UGGT2: variants seen among roughly 807,000 people sequenced by gnomAD.
UGGT2 encodes UDP-glucose:glycoprotein glucosyltransferase 2.
Under a neutral mutation model 192.1 loss-of-function variants are expected in UGGT2, and 180 were observed. The ratio of observed to expected loss-of-function variants is 0.94; its 90% CI spans 0.83 to 1.06. The LOEUF is 1.06. UGGT2 is among the 50% of genes least tolerant of loss of function. The pLI, the probability that UGGT2 is intolerant of heterozygous loss-of-function variation, is 0.00. For missense variants in UGGT2, 1,849 were observed against 1,795.7 expected (o/e 1.03, Z -0.54); for synonymous variants, 580 against 591.0 (o/e 0.98, Z 0.27).
At chr13:96,036,118 G>C (rs997052255) in intron 1 of UGGT2, among the ~76,000 whole-genome samples, 2 of 152,174 alleles carry the variant, frequency 1.3e-5, no homozygotes, top group African/African-American at 4.8e-5. Context: ...GTCCACTGCA[G>C]CGCTATTTAC....
intron 10 of UGGT2, among the ~76,000 whole-genome samples, chr13:95,973,080 G>C (rs915266317): frequency 6.6e-6 from 1 of 152,170 alleles, no homozygotes; most frequent in African/African-American, 2.4e-5. Flanking sequence ...TGAGGCAGGA[G>C]AATCACTTGA....
rs1236942556 is a variant in UGGT2 at position 95,947,034 on chromosome 13, C to A, written c.1677+3G>T. 6.3e-7 allele frequency: 1 copy of A among 1,585,724 alleles called. No homozygotes were observed. Among genetic ancestry groups the A allele is most frequent in the East Asian group, 2.2e-5 (1 of 44,452 alleles). ...ACAAATCACATTTAGTGCATAAACT[C>A]ACGTGTACTATAGAAATAAATGCTT... On this transcript the variant is annotated splice_donor_region_variant and intron_variant, in intron 15 of 38. Transcript: ENST00000376747.
chr13:95,809,044 C>A (rs973150595), intron 38 of UGGT2, among the ~76,000 whole-genome samples: 1 of 152,134 alleles, frequency 6.6e-6, no homozygotes, highest in African/African-American at 2.4e-5. Context: ...TAACCTGACA[C>A]CTAAGATAGT....
At chr13:95,897,151 T>C (rs1352759188) in intron 22 of UGGT2, among the ~76,000 whole-genome samples, 1 of 152,108 alleles carries the variant, frequency 6.6e-6, no homozygotes, top group Non-Finnish European at 1.5e-5. Flanking sequence ...GTTCCTTCTA[T>C]GTGCTTTAAA....
chr13:95,879,582 T>C (rs1043527315), intron 27 of UGGT2, among the ~76,000 whole-genome samples: 6 of 152,244 alleles, frequency 3.9e-5, no homozygotes, highest in African/African-American at 1.4e-4. Context: ...ATTACAGGCA[T>C]AGGCCACCAC....
intron 9 of UGGT2, chr13:95,984,795 T>C (rs1327612459): frequency 6.6e-6 from 1 of 152,218 alleles, no homozygotes; most frequent in Non-Finnish European, 1.5e-5. Flanking sequence ...TAATGCAAAG[T>C]TCTGCTTTAA....
At chr13:95,905,674 G>C (rs1027813166) in intron 20 of UGGT2, among the ~76,000 whole-genome samples, 1 of 152,116 alleles carries the variant, frequency 6.6e-6, no homozygotes, top group Non-Finnish European at 1.5e-5. Context: ...TTTGGTACCA[G>C]TACCATGCTG....
intron 31 of UGGT2, 91 bp from the exon 32 acceptor site, chr13:95,860,974 T>G (rs888293937): frequency 1.6e-6 from 1 of 619,492 alleles, no homozygotes; most frequent in Non-Finnish European, 2.5e-6. Context: ...AATATAGAAA[T>G]GTATTTCAAA....
In UGGT2 at chr13:95,982,511, A is replaced by G. The variant is rs576450157; in HGVS notation, c.1092+1293T>C. The stretch of plus-strand genomic sequence containing the variant: ...GAGTGGTCAGCCTTCCCCATGCATT[A>G]TGTAAAACATCATACCTGCTCCAAC... On this transcript the variant is annotated intron_variant, in intron 10 of 38. Transcript: ENST00000376747. Among the ~76,000 whole-genome samples the G allele has an allele frequency of 1.1e-3, 168 of 152,292 alleles. 1 individual carries two copies. Among genetic ancestry groups the G allele is most frequent in the African/African-American group, 3.0e-3 (126 of 41,562 alleles).
chr13:95,924,606 G>A (rs1222054444), intron 20 of UGGT2, among the ~76,000 whole-genome samples: 1 of 151,908 alleles, frequency 6.6e-6, no homozygotes, highest in Non-Finnish European at 1.5e-5. Context: ...CTTTCATACT[G>A]AATAGAAGTT....
chr13:95,927,410 CAA>C (rs2049054935), intron 17 of UGGT2, 74 bp from the exon 18 acceptor site: 7 of 1,224,670 alleles, frequency 5.7e-6, no homozygotes, highest in Non-Finnish European at 7.8e-6. Flanking sequence ...GCAGATAACA[CAA>C]AGATTACTTA....
chr13:95,943,179 G>A (rs2049749530), intron 15 of UGGT2, among the ~76,000 whole-genome samples: 2 of 151,976 alleles, frequency 1.3e-5, no homozygotes, highest in Non-Finnish European at 2.9e-5. Flanking sequence ...CCCATTTTGA[G>A]TCTTCATTCT....
chr13:95,968,468 A>AGG (rs2050660059), intron 12 of UGGT2, among the ~76,000 whole-genome samples: 2 of 152,242 alleles, frequency 1.3e-5, no homozygotes, highest in South Asian at 4.2e-4. Context: ...TGCCGGAGGT[A>AGG]GGGCCTGATA....
chr13:95,947,632 G>A (rs1022237212), intron 14 of UGGT2, among the ~76,000 whole-genome samples: 1 of 151,920 alleles, frequency 6.6e-6, no homozygotes, highest in South Asian at 2.1e-4. Flanking sequence ...TGAATTTTTA[G>A]TAGAGACGGG....
At chr13:95,941,040 G>A (rs1035719637) in intron 15 of UGGT2, among the ~76,000 whole-genome samples, 2 of 152,046 alleles carry the variant, frequency 1.3e-5, no homozygotes, top group African/African-American at 2.4e-5. Flanking sequence ...GATCCTCTAT[G>A]ACCCAGGTGC....
intron 38 of UGGT2, among the ~76,000 whole-genome samples, chr13:95,810,674 A>G (rs1198509337): frequency 6.6e-6 from 1 of 152,190 alleles, no homozygotes; most frequent in Non-Finnish European, 1.5e-5. Flanking sequence ...AGATAGGTGG[A>G]CCTGTGCGGT....
At chr13:95,855,987 C>T (rs1889572304) in intron 34 of UGGT2, among the ~76,000 whole-genome samples, 171 bp downstream of exon 34, 1 of 152,056 alleles carries the variant, frequency 6.6e-6, no homozygotes, top group African/African-American at 2.4e-5. Flanking sequence ...TCAATTTTCC[C>T]CTGGAATTCT....
intron 20 of UGGT2, among the ~76,000 whole-genome samples, chr13:95,905,857 GC>G (rs1381326792): frequency 1.4e-4 from 21 of 152,046 alleles, no homozygotes. Flanking sequence ...TTTATGTTTA[GC>G]TCTATAATCC....
intron 15 of UGGT2, among the ~76,000 whole-genome samples, chr13:95,942,141 C>G (rs1403344554): frequency 6.6e-6 from 1 of 150,886 alleles, no homozygotes; most frequent in African/African-American, 2.4e-5. Context: ...TCATTTTTAT[C>G]ATAGTTTGTT....
Sources: gnomAD v4.1 joint callset for allele counts (sites outside exome capture counted in the v4.1 genomes callset) on GRCh38, gnomAD v4.1.1 for gene constraint, MANE v1.5 for transcripts, NCBI Gene and HGNC (gene_info 2026-07-23, HGNC 2026-07-21) for gene names.